The following DGCR2 variants were observed in gnomAD, a reference collection of about 807,000 sequenced individuals.
DGCR2 encodes the protein integral membrane protein DGCR2/IDD.
In DGCR2, 24 loss-of-function variants were observed where a neutral mutation model predicts 51.6. The ratio of observed to expected loss-of-function variants is 0.47; its 90% CI spans 0.34 to 0.65. The LOEUF (loss-of-function observed/expected upper bound fraction) is 0.65, where lower values mean the gene tolerates loss of function less well. DGCR2 is among the 30% of genes least tolerant of loss of function. The pLI is 0.01. For missense variants in DGCR2, 765 were observed against 772.1 expected (o/e 0.99, Z 0.11); for synonymous variants, 340 against 315.4 (o/e 1.08, Z -0.82).
chr22:19,075,810 G>A lies in DGCR2; in HGVS notation c.203-7585C>T, dbSNP rs74361397. Among the ~76,000 whole-genome samples the A allele has an allele frequency of 8.6e-3, 1,314 of 152,302 alleles. 14 individuals carry two copies. The highest frequency in any genetic ancestry group is 0.03 in the African/African-American group (1,238 of 41,562). ...TTCCACTGGATGGATAGACTACCTT[G>A]TTGTTGATCCATTCATCTGTGATGG... On this transcript the variant is annotated intron_variant, in intron 2 of 9. Transcript: ENST00000263196.
chr22:19,039,044 G>C lies in DGCR2; in HGVS notation c.1474C>G (p.Arg492Gly). 1 of 1,613,112 alleles carries C rather than the reference G, an allele frequency of 6.2e-7. No homozygotes were observed. The highest frequency in any genetic ancestry group is 8.5e-7 in the Non-Finnish European group (1 of 1,179,956). ...DGGSEGALLR[R>G]LEQPLPTAGA... ...GCAGTGGGCAGAGGCTGCTCCAGGC[G>C]CCGGAGTAATGCACCTTCACTCCCA... Residue 492 changes from arginine to glycine, a missense_variant, in exon 10 of 10, where the codon CGC (arginine) becomes GGC (glycine). By Grantham distance (125) the Arg-to-Gly change is moderately radical. This residue lies in a region of DGCR2 where 205 missense variants were observed against 181.4 expected (regional missense o/e 1.13). Transcript: ENST00000263196.
intron 1 of DGCR2, among the ~76,000 whole-genome samples, chr22:19,099,577 C>G (rs182031528): frequency 6.6e-6 from 1 of 152,212 alleles, no homozygotes; most frequent in African/African-American, 2.4e-5. Context: ...AAACAAAACA[C>G]CACCACCAAC....
intron 2 of DGCR2, among the ~76,000 whole-genome samples, chr22:19,075,510 C>G (rs942414451): frequency 6.6e-6 from 1 of 151,934 alleles, no homozygotes; most frequent in Non-Finnish European, 1.5e-5. Context: ...AGTTCCATAA[C>G]AACCATCACC....
At chr22:19,072,876 A>G (rs772538959) in intron 2 of DGCR2, among the ~76,000 whole-genome samples, 8 of 152,136 alleles carry the variant, frequency 5.3e-5, no homozygotes, top group Non-Finnish European at 1.0e-4. Flanking sequence ...CTGTCTAAAA[A>G]ATAAATAAAT....
At chr22:19,110,009 A>G (rs1448007349) in intron 1 of DGCR2, among the ~76,000 whole-genome samples, 2 of 152,232 alleles carry the variant, frequency 1.3e-5, no homozygotes, top group Non-Finnish European at 2.9e-5. Context: ...AGTGGGTCCA[A>G]ACTTTAGTGT....
rs73158805 is a variant in DGCR2, at chr22:19,063,619, G to A, written c.549-341C>T. Among the ~76,000 whole-genome samples the A allele has an allele frequency of 3.2e-3, 484 of 151,836 alleles. 2 individuals carry two copies. Among genetic ancestry groups the A allele is most frequent in the Admixed American group, 7.7e-3 (117 of 15,250 alleles). On this transcript the variant is annotated intron_variant, in intron 4 of 9. Coordinates refer to ENST00000263196, the MANE Select transcript of DGCR2 (RefSeq NM_005137.3). ...CCGCCTCGGCTTCCCAAAGTGCTGGGATTGTTTTTTAATAGCTATACTGAC... is the reference window on the plus strand; with the variant it reads ...CCGCCTCGGCTTCCCAAAGTGCTGGAATTGTTTTTTAATAGCTATACTGAC...
intron 1 of DGCR2, among the ~76,000 whole-genome samples, chr22:19,108,155 C>T (rs1469447730): frequency 2.0e-5 from 3 of 152,084 alleles, no homozygotes; most frequent in East Asian, 1.9e-4. Flanking sequence ...AGAAGAACTT[C>T]GTAACCTTGG....
intron 6 of DGCR2, among the ~76,000 whole-genome samples, chr22:19,054,548 TA>T (rs891910670): frequency 1.3e-5 from 2 of 152,152 alleles, no homozygotes; most frequent in African/African-American, 4.8e-5. Context: ...AACAGTAAAA[TA>T]AAATGTTTGC....
chr22:19,119,173 T>C (rs2083404815), intron 1 of DGCR2, among the ~76,000 whole-genome samples: 1 of 152,082 alleles, frequency 6.6e-6, no homozygotes, highest in Admixed American at 6.6e-5. Flanking sequence ...GTTCAGAGCA[T>C]AATATGAGGT....
chr22:19,039,763 G>A (rs1046287857), intron 9 of DGCR2, among the ~76,000 whole-genome samples: 1 of 152,060 alleles, frequency 6.6e-6, no homozygotes, highest in African/African-American at 2.4e-5. Flanking sequence ...ATTGCACACT[G>A]GTGTGCAGTG....
chr22:19,057,150 ACCTCTGAAGAGC>A lies in DGCR2; in HGVS notation c.626_637del (p.Gly209_Glu212del). 6.2e-7 allele frequency: 1 copy of A among 1,604,290 alleles called. No individual in the cohort carries two copies. Among genetic ancestry groups the A allele is most frequent in the Non-Finnish European group, 8.5e-7 (1 of 1,175,554 alleles). Reference sequence around the variant, plus strand: ...AAAGATGGGGTCTGGGGGCAGGAACACCTCTGAAGAGCCTGTTGGGGAGACAAAAGGTGGGGC... The same window carrying A: ...AAAGATGGGGTCTGGGGGCAGGAACACTGTTGGGGAGACAAAAGGTGGGGC... On this transcript the variant is annotated inframe_deletion and splice_region_variant, in exon 6 of 10. Coordinates refer to ENST00000263196, the MANE Select transcript of DGCR2 (RefSeq NM_005137.3). This position sits in a 1 kb window ranked among gnomAD's most constrained non-coding sequence, Gnocchi z 5.1.
At chr22:19,065,948 A>G (rs2082743194) in intron 3 of DGCR2, 1 of 129,134 alleles carries the variant, frequency 7.7e-6, no homozygotes, top group Admixed American at 7.5e-5. Flanking sequence ...TGTATTTATT[A>G]TGTAAGCATG....
chr22:19,085,151 C>G (rs1007392236), intron 2 of DGCR2, among the ~76,000 whole-genome samples: 1 of 150,236 alleles, frequency 6.7e-6, no homozygotes, highest in Non-Finnish European at 1.5e-5. Flanking sequence ...AAACAGAAAC[C>G]ATGCTAAGGG....
At chr22:19,100,999 G>A (rs933308794) in intron 1 of DGCR2, among the ~76,000 whole-genome samples, 4 of 151,912 alleles carry the variant, frequency 2.6e-5, no homozygotes, top group East Asian at 1.9e-4. Context: ...CCAGCTACTC[G>A]GGAGGCTGAA....
chr22:19,122,337 G>A lies in DGCR2; in HGVS notation c.-131C>T, dbSNP rs1208303715. 2.8e-6 allele frequency: 2 copies of A among 703,006 alleles called. No individual in the cohort carries two copies. The highest frequency in any genetic ancestry group is 4.3e-6 in the Non-Finnish European group (2 of 467,972). 43.5% of individuals were successfully genotyped at this position (703,006 alleles called of 1,614,324 possible). A position where few individuals can be genotyped will look rare whatever the true frequency, so the allele number is the denominator to read the frequency against. ...CGAGGCGCGGAGAGGCGGCGGGAAAGAGCTTCGGCTGGGCCGCGGGCTGGC... is the reference window on the plus strand; with the variant it reads ...CGAGGCGCGGAGAGGCGGCGGGAAAAAGCTTCGGCTGGGCCGCGGGCTGGC... On this transcript the variant is annotated 5_prime_UTR_variant, in exon 1 of 10. Transcript: ENST00000263196.
intron 5 of DGCR2, among the ~76,000 whole-genome samples, chr22:19,058,853 G>A (rs1297211037): frequency 1.3e-5 from 2 of 152,216 alleles, no homozygotes; most frequent in Non-Finnish European, 2.9e-5. Context: ...GGCACTCTAG[G>A]CCAGGGCCCA....
intron 2 of DGCR2, among the ~76,000 whole-genome samples, chr22:19,083,461 CTT>C (rs1218271809): frequency 9.2e-5 from 14 of 152,318 alleles, no homozygotes; most frequent in Non-Finnish European, 1.8e-4. Flanking sequence ...TTAGAATCGA[CTT>C]ATCGCATTTC....
intron 2 of DGCR2, among the ~76,000 whole-genome samples, chr22:19,078,809 T>C (rs1203847757): frequency 2.6e-5 from 4 of 152,246 alleles, no homozygotes; most frequent in Admixed American, 2.0e-4. Flanking sequence ...ACAAAGGATA[T>C]TGGTCTGTAA....
chr22:19,053,138 G>A (rs1268780423), intron 6 of DGCR2, among the ~76,000 whole-genome samples: 1 of 152,148 alleles, frequency 6.6e-6, no homozygotes, highest in African/African-American at 2.4e-5. Context: ...GAGCATACCT[G>A]GAGCCTTTAG....
Sources: gnomAD v4.1 joint callset for allele counts (sites outside exome capture counted in the v4.1 genomes callset) on GRCh38, gnomAD v4.1.1 for gene constraint, gnomAD v4.1.1 regional missense constraint, Gnocchi (gnomAD v3.1) non-coding constraint, MANE v1.5 for transcripts, NCBI Gene and HGNC (gene_info 2026-07-23, HGNC 2026-07-21) for gene names.